The following STK33 variants were observed in gnomAD, a reference collection of about 807,000 sequenced individuals.
The protein encoded by STK33 is serine/threonine-protein kinase 33.
A neutral mutation model predicts 58.0 loss-of-function variants in STK33; 52 were observed. That is an observed-to-expected ratio of 0.90 (90% CI 0.72 to 1.13). STK33 has a LOEUF of 1.13. STK33 is among the 50% of genes most tolerant of loss of function. STK33 has a pLI of 0.00. For missense variants in STK33, 630 were observed against 604.2 expected (o/e 1.04, Z -0.45); for synonymous variants, 215 against 200.1 (o/e 1.07, Z -0.63).
the STK33 span, among the ~76,000 whole-genome samples, chr11:8,381,095 T>C: frequency 6.6e-6 from 1 of 152,102 alleles, no homozygotes; most frequent in African/African-American, 2.4e-5. Context: ...AGTGGTATAA[T>C]GGACTATGGA....
intron 6 of STK33, among the ~76,000 whole-genome samples, chr11:8,469,824 G>A (rs375505633): frequency 6.6e-5 from 10 of 152,336 alleles, no homozygotes; most frequent in African/African-American, 2.4e-4. Flanking sequence ...TGGGTGACCA[G>A]GCGCATTGTC....
At chr11:8,401,162 T>A (rs1207724745) in intron 15 of STK33, among the ~76,000 whole-genome samples, 1 of 152,070 alleles carries the variant, frequency 6.6e-6, no homozygotes, top group African/African-American at 2.4e-5. Flanking sequence ...CATTGCCAAG[T>A]CAATCCTAAG....
chr11:8,571,115 A>G (rs1957779269), intron 1 of STK33, among the ~76,000 whole-genome samples: 1 of 152,200 alleles, frequency 6.6e-6, no homozygotes, highest in African/African-American at 2.4e-5. Flanking sequence ...CAGTTTCCAG[A>G]ATGCAGCAAA....
intron 1 of STK33, among the ~76,000 whole-genome samples, chr11:8,549,947 C>G (rs979352229): frequency 5.9e-5 from 9 of 151,984 alleles, no homozygotes; most frequent in Non-Finnish European, 2.9e-5. Flanking sequence ...TTTAAGTCAG[C>G]TTATCTTTAC....
chr11:8,485,079 TA>T (rs1950107168), intron 1 of STK33, among the ~76,000 whole-genome samples: 1 of 152,204 alleles, frequency 6.6e-6, no homozygotes, highest in Admixed American at 6.5e-5. Flanking sequence ...CTTTATTTCC[TA>T]AAATAAAAAT....
intron 9 of STK33, among the ~76,000 whole-genome samples, chr11:8,455,652 C>CAA (rs34666271): frequency 5.9e-4 from 89 of 149,714 alleles, no homozygotes; most frequent in Middle Eastern, 3.5e-3. Context: ...ACTAAAAATA[C>CAA]AAAAAAAAAT....
At chr11:8,356,066 G>A in the STK33 span, among the ~76,000 whole-genome samples, 1 of 152,238 alleles carries the variant, frequency 6.6e-6, no homozygotes, top group Non-Finnish European at 1.5e-5. Flanking sequence ...AGGGGGTGCA[G>A]GGGTGGGGAG....
At chr11:8,537,698 T>C (rs755917499) in intron 1 of STK33, among the ~76,000 whole-genome samples, 1 of 142,086 alleles carries the variant, frequency 7.0e-6, no homozygotes, top group Non-Finnish European at 1.5e-5. Flanking sequence ...AGACCAGGAG[T>C]TCAAGACCAG....
chr11:8,376,400 G>A, the STK33 span, among the ~76,000 whole-genome samples: 4 of 152,176 alleles, frequency 2.6e-5, no homozygotes, highest in African/African-American at 9.7e-5. Flanking sequence ...CCAAAGCCAG[G>A]AGAAGGCAGA....
intron 14 of STK33, among the ~76,000 whole-genome samples, chr11:8,420,993 A>C (rs951882648): frequency 6.7e-6 from 1 of 148,224 alleles, no homozygotes; most frequent in Non-Finnish European, 1.5e-5. Flanking sequence ...AAAAAAAAAA[A>C]GGGGAGGGGG....
chr11:8,527,163 A>T (rs1038714729), intron 1 of STK33, among the ~76,000 whole-genome samples: 1 of 152,002 alleles, frequency 6.6e-6, no homozygotes, highest in African/African-American at 2.4e-5. Flanking sequence ...ATAGGAACGG[A>T]CGGGTTTTCA....
chr11:8,492,516 C>T (rs1332569725), intron 1 of STK33, among the ~76,000 whole-genome samples: 2 of 152,192 alleles, frequency 1.3e-5, no homozygotes, highest in African/African-American at 2.4e-5. Flanking sequence ...TAACACCCCA[C>T]TGTCAATATT....
rs147256356 is a variant in STK33 at position 8,402,673 on chromosome 11, G to T, written c.1345-9963C>A. 6.2e-4 allele frequency among the ~76,000 whole-genome samples: 95 copies of T among 152,256 alleles called. 3 individuals are homozygous for T. The East Asian group carries it at 0.016, about 26-fold the overall frequency. On this transcript the variant is annotated intron_variant, in intron 15 of 15. Coordinates refer to ENST00000687296, the MANE Select transcript of STK33 (RefSeq NM_001352389.2). The stretch of plus-strand genomic sequence containing the variant: ...TATCTTTCATTGAAACCATTCCTCT[G>T]ATGCTAACAGGACACGGATGCTGAA...
intron 1 of STK33, among the ~76,000 whole-genome samples, chr11:8,591,997 T>C (rs1236890012): frequency 1.3e-5 from 2 of 151,158 alleles, no homozygotes; most frequent in Middle Eastern, 3.4e-3. Flanking sequence ...AATAATAAAA[T>C]TAAAAAAAAA....
chr11:8,545,107 A>G (rs1018081756), intron 1 of STK33, among the ~76,000 whole-genome samples: 1 of 152,222 alleles, frequency 6.6e-6, no homozygotes, highest in African/African-American at 2.4e-5. Context: ...GCTGCCTACC[A>G]GAAGTGTAAG....
chr11:8,515,716 G>A (rs954875761), intron 1 of STK33, among the ~76,000 whole-genome samples: 1 of 152,070 alleles, frequency 6.6e-6, no homozygotes. Flanking sequence ...CATATTAACA[G>A]AATTGAAAAT....
At chr11:8,564,406 A>G (rs1957315211) in intron 1 of STK33, among the ~76,000 whole-genome samples, 1 of 152,320 alleles carries the variant, frequency 6.6e-6, no homozygotes, top group South Asian at 2.1e-4. Context: ...CTCTGCTGAG[A>G]AGAGTTTGCC....
chr11:8,363,041 G>A, the STK33 span, among the ~76,000 whole-genome samples: 5 of 152,226 alleles, frequency 3.3e-5, no homozygotes, highest in African/African-American at 1.2e-4. Context: ...TTGGGCTCCA[G>A]GGTGGAGCAG....
At chr11:8,512,969 A>G (rs919385512) in intron 1 of STK33, among the ~76,000 whole-genome samples, 3 of 152,194 alleles carry the variant, frequency 2.0e-5, no homozygotes, top group Non-Finnish European at 4.4e-5. Flanking sequence ...AGGACTTACT[A>G]TTGTAGCCCA....
Sources: allele counts gnomAD v4.1 joint callset (sites outside exome capture counted in the v4.1 genomes callset), GRCh38; gene constraint gnomAD v4.1.1; transcripts MANE v1.5; gene names NCBI Gene and HGNC (gene_info 2026-07-23, HGNC 2026-07-21).